The following TENM2 variants were observed in gnomAD, a reference collection of about 807,000 sequenced individuals.
TENM2 encodes teneurin transmembrane protein 2.
A neutral mutation model predicts 245.2 loss-of-function variants in TENM2; 52 were observed. The ratio of observed to expected loss-of-function variants is 0.21; its 90% CI spans 0.17 to 0.27. The LOEUF (loss-of-function observed/expected upper bound fraction) is 0.27, where lower values mean the gene tolerates loss of function less well. TENM2 is among the 10% of genes least tolerant of loss of function. The pLI, the probability that TENM2 is intolerant of heterozygous loss-of-function variation, is 1.00. For synonymous variants in TENM2, 1,363 were observed against 1,438.9 expected (o/e 0.95, Z 1.19); for missense variants, 3,046 against 3,666.8 (o/e 0.83, Z 4.37).
chr5:167,476,599 T>A (rs1767394905), intron 2 of TENM2, among the ~76,000 whole-genome samples: 1 of 152,114 alleles, frequency 6.6e-6, no homozygotes, highest in Admixed American at 6.6e-5. Context: ...TTTTTGTTTT[T>A]TTGTTTTTTT....
At chr5:167,048,115 C>G in the TENM2 span, among the ~76,000 whole-genome samples, 1 of 152,084 alleles carries the variant, frequency 6.6e-6, no homozygotes, top group Non-Finnish European at 1.5e-5. Context: ...AATCTGTACT[C>G]ATGAATAATT....
chr5:167,776,161 C>CCACACACA (rs66740766), intron 2 of TENM2, among the ~76,000 whole-genome samples: 66,061 of 132,922 alleles, frequency 0.5, 18,409 homozygotes, highest in Middle Eastern at 0.69. Flanking sequence ...AAAAAAAAAT[C>CCACACACA]CACACACACA....
At chr5:167,587,750 G>A (rs977063152) in intron 2 of TENM2, among the ~76,000 whole-genome samples, 7 of 151,990 alleles carry the variant, frequency 4.6e-5, no homozygotes, top group African/African-American at 1.7e-4. Flanking sequence ...AGCTTTTTTC[G>A]GAATAAATAC....
intron 3 of TENM2, among the ~76,000 whole-genome samples, chr5:167,906,064 T>C (rs1315758505): frequency 2.0e-5 from 3 of 152,188 alleles, no homozygotes; most frequent in African/African-American, 7.2e-5. Flanking sequence ...ATAAATTTAT[T>C]TGACATAGCT....
chr5:168,238,181 G>GAT lies in TENM2; in HGVS notation c.5521-6238_5521-6237insTA, dbSNP rs1332925617. On this transcript the variant is annotated intron_variant, in intron 25 of 28. Transcript: ENST00000518659. ...AAAGAGAGAGAGAGAGAGAGAGAGA[G>GAT]AGAGGGAGGGAGGGAGGGAGGGAGG... Among the ~76,000 whole-genome samples the GAT allele has an allele frequency of 7.1e-4, 42 of 59,466 alleles. 1 individual carries two copies. The African/African-American group carries it at 7.8e-3, about 11-fold the overall frequency. The allele number at this position is 59,466 out of a possible 152,430, so 39.0% of individuals were successfully genotyped here. A position where few individuals can be genotyped will look rare whatever the true frequency, so the allele number is the denominator to read the frequency against.
intron 12 of TENM2, among the ~76,000 whole-genome samples, chr5:168,161,037 C>T (rs1001024346): frequency 6.6e-6 from 1 of 152,076 alleles, no homozygotes; most frequent in Non-Finnish European, 1.5e-5. Context: ...CCTCAAATTC[C>T]CACCACTGCC....
intron 2 of TENM2, among the ~76,000 whole-genome samples, chr5:167,745,318 G>A (rs1354529095): frequency 6.6e-6 from 1 of 152,204 alleles, no homozygotes; most frequent in Non-Finnish European, 1.5e-5. Flanking sequence ...TGCGAAGACA[G>A]CAATGTATTT....
the TENM2 span, among the ~76,000 whole-genome samples, chr5:167,232,906 A>G: frequency 6.6e-6 from 1 of 152,186 alleles, no homozygotes; most frequent in Non-Finnish European, 1.5e-5. Context: ...ACCATTACCC[A>G]AAAACATATG....
chr5:167,547,625 A>C (rs952515338), intron 2 of TENM2, among the ~76,000 whole-genome samples: 1 of 152,200 alleles, frequency 6.6e-6, no homozygotes, highest in Admixed American at 6.5e-5. Flanking sequence ...GGGACTTTAG[A>C]GTTTGCACAG....
chr5:167,326,531 G>C (rs1015890246), intron 1 of TENM2, among the ~76,000 whole-genome samples: 5 of 151,746 alleles, frequency 3.3e-5, no homozygotes, highest in African/African-American at 1.2e-4. Context: ...AAATTAGCCA[G>C]ACGTGGTGGT....
At chr5:168,225,423 T>C (rs141720664) in intron 23 of TENM2, among the ~76,000 whole-genome samples, 54 of 152,010 alleles carry the variant, frequency 3.6e-4, no homozygotes, top group Non-Finnish European at 6.6e-4. Flanking sequence ...GAAACTGCTA[T>C]TTGGGGAATA....
chr5:168,007,121 C>T (rs1784881201), intron 5 of TENM2, among the ~76,000 whole-genome samples: 1 of 150,528 alleles, frequency 6.6e-6, no homozygotes, highest in South Asian at 2.1e-4. Flanking sequence ...TCCAGGCCTT[C>T]CTTTTTCTTT....
At chr5:167,032,020 A>G in the TENM2 span, among the ~76,000 whole-genome samples, 9 of 152,314 alleles carry the variant, frequency 5.9e-5, no homozygotes, top group African/African-American at 2.2e-4. Context: ...TGACTGCTGG[A>G]TTAAAACACC....
intron 2 of TENM2, among the ~76,000 whole-genome samples, chr5:167,644,230 T>C (rs1025562309): frequency 6.6e-6 from 1 of 152,212 alleles, no homozygotes; most frequent in Non-Finnish European, 1.5e-5. Flanking sequence ...ATAAAGTTTA[T>C]TAACTAAGCA....
chr5:167,950,652 C>G (rs1166600757), intron 3 of TENM2, among the ~76,000 whole-genome samples: 1 of 152,094 alleles, frequency 6.6e-6, no homozygotes. Context: ...ATTCATTAAC[C>G]ATGTGTGAGG....
the TENM2 span, among the ~76,000 whole-genome samples, chr5:167,061,252 A>AT: frequency 1.3e-5 from 2 of 152,056 alleles, no homozygotes; most frequent in Non-Finnish European, 2.9e-5. Context: ...ATACGCATTT[A>AT]TTTTTTTAAA....
At chr5:168,074,419 G>T (rs1236296617) in intron 7 of TENM2, among the ~76,000 whole-genome samples, 1 of 152,090 alleles carries the variant, frequency 6.6e-6, no homozygotes, top group African/African-American at 2.4e-5. Context: ...ACAAAAACAG[G>T]CTCTGGTCTC....
the TENM2 span, among the ~76,000 whole-genome samples, chr5:167,041,101 T>A: frequency 6.6e-6 from 1 of 152,220 alleles, no homozygotes; most frequent in South Asian, 2.1e-4. Flanking sequence ...ATGCAGGTGA[T>A]AAATCACGTA....
At chr5:168,228,792 T>C (rs1764516224) in intron 25 of TENM2, among the ~76,000 whole-genome samples, 1 of 145,908 alleles carries the variant, frequency 6.9e-6, no homozygotes, top group South Asian at 2.2e-4. Flanking sequence ...AACCCTCGTT[T>C]TCCCAGACCA....
Sources: allele counts gnomAD v4.1 joint callset (sites outside exome capture counted in the v4.1 genomes callset), GRCh38; gene constraint gnomAD v4.1.1; transcripts MANE v1.5; gene names NCBI Gene and HGNC (gene_info 2026-07-23, HGNC 2026-07-21).